The following CTXND2 variants were observed in gnomAD, a reference collection of about 807,000 sequenced individuals.
The protein encoded by CTXND2 is cortexin domain containing 2.
chr1:150,899,042 G>A (rs1668956685), intron 1 of CTXND2, among the ~76,000 whole-genome samples: 1 of 151,192 alleles, frequency 6.6e-6, no homozygotes, highest in Admixed American at 6.6e-5. Context: ...AGCTTGCAGT[G>A]AGCTGAGATC....
chr1:150,906,801 G>T (rs1226065932), intron 1 of CTXND2, among the ~76,000 whole-genome samples: 2 of 152,200 alleles, frequency 1.3e-5, no homozygotes, highest in Non-Finnish European at 2.9e-5. Flanking sequence ...AGTGGGAGGT[G>T]CCAGGAGACC....
At chr1:150,898,921 C>A (rs1275663749) in intron 1 of CTXND2, among the ~76,000 whole-genome samples, 17 of 126,120 alleles carry the variant, frequency 1.3e-4, no homozygotes, top group Middle Eastern at 4.2e-3. Context: ...ACTAAAAATA[C>A]AAAAAAAAAA....
chr1:150,905,065 CA>C (rs1558001639), intron 1 of CTXND2, among the ~76,000 whole-genome samples: 7 of 42,752 alleles, frequency 1.6e-4, no homozygotes, highest in Non-Finnish European at 3.1e-4. Context: ...AAGAAAACCA[CA>C]CACACACACA....
intron 1 of CTXND2, among the ~76,000 whole-genome samples, chr1:150,899,064 C>T (rs985564741): frequency 6.0e-5 from 9 of 150,978 alleles, no homozygotes; most frequent in Non-Finnish European, 1.2e-4. Context: ...CGCCACTGCA[C>T]TCCAGCCTGG....
At chr1:150,897,494 T>C (rs937072914) in intron 1 of CTXND2, among the ~76,000 whole-genome samples, 4 of 152,038 alleles carry the variant, frequency 2.6e-5, no homozygotes, top group African/African-American at 9.7e-5. Context: ...CGGCTAACTT[T>C]TGTATGGTTT....
chr1:150,905,062 CCACACACACACA>C (rs58415621), intron 1 of CTXND2, among the ~76,000 whole-genome samples: 99 of 130,824 alleles, frequency 7.6e-4, no homozygotes, highest in Non-Finnish European at 1.3e-3. Flanking sequence ...AAAAAGAAAA[CCACACACACACA>C]CACACACACA....
chr1:150,888,757 C>T (rs1418303599), intron 1 of CTXND2, among the ~76,000 whole-genome samples: 1 of 151,924 alleles, frequency 6.6e-6, no homozygotes, highest in Non-Finnish European at 1.5e-5. Flanking sequence ...GTGGTGCGAT[C>T]ATGGCTTACT....
chr1:150,900,482 G>T (rs956764315), intron 1 of CTXND2, among the ~76,000 whole-genome samples: 1 of 152,162 alleles, frequency 6.6e-6, no homozygotes, highest in African/African-American at 2.4e-5. Context: ...GTGAGACCAA[G>T]AACTCACTGG....
intron 1 of CTXND2, among the ~76,000 whole-genome samples, chr1:150,897,604 G>A (rs377685207): frequency 2.0e-5 from 3 of 152,186 alleles, no homozygotes; most frequent in South Asian, 4.1e-4. Flanking sequence ...TTACAGGCAT[G>A]AGCCACCACA....
Position 150,912,299 on chromosome 1 carries a change from C to T in CTXND2, c.-16C>T, listed in dbSNP as rs932488876. 3 of 398,534 alleles carry T rather than the reference C, an allele frequency of 7.5e-6. No individual in the cohort carries two copies. Among genetic ancestry groups the T allele is most frequent in the Admixed American group, 4.4e-5 (1 of 22,720 alleles). 24.7% of individuals were successfully genotyped at this position (398,534 alleles called of 1,614,324 possible). A position where few individuals can be genotyped will look rare whatever the true frequency, so the allele number is the denominator to read the frequency against. On this transcript the variant is annotated 5_prime_UTR_variant, in exon 2 of 2. In the 5' UTR this introduces an upstream ATG that the reference lacks. Coordinates refer to ENST00000636087, the Ensembl canonical transcript of CTXND2. Reference sequence around the variant, plus strand: ...ATTAGCTGGAGCTGGACAACAGTAACGAGGTGCAAGTCCCCATGGAAGATT... The same window carrying T: ...ATTAGCTGGAGCTGGACAACAGTAATGAGGTGCAAGTCCCCATGGAAGATT...
At chr1:150,911,441 A>T (rs867436169) in intron 1 of CTXND2, among the ~76,000 whole-genome samples, 283 of 140,030 alleles carry the variant, frequency 2.0e-3, no homozygotes, top group Middle Eastern at 7.2e-3. Context: ...ATGTAAATTT[A>T]TTTTTTTTTT....
intron 1 of CTXND2, among the ~76,000 whole-genome samples, chr1:150,901,297 C>T (rs1669025443): frequency 6.6e-6 from 1 of 152,196 alleles, no homozygotes; most frequent in African/African-American, 2.4e-5. Context: ...GAAGACTTAA[C>T]ATTGTTAAGA....
intron 1 of CTXND2, among the ~76,000 whole-genome samples, chr1:150,906,318 A>G (rs1286435885): frequency 2.6e-5 from 4 of 152,084 alleles, no homozygotes; most frequent in African/African-American, 9.7e-5. Context: ...AACAACAACA[A>G]CAAAAAGAAT....
At chr1:150,904,070 A>T in intron 1 of CTXND2, 1 of 664,530 alleles carries the variant, frequency 1.5e-6, no homozygotes, top group Non-Finnish European at 2.8e-6. Context: ...CAAAGGCATC[A>T]TCTGGGGAGA....
chr1:150,910,886 G>T (rs587739551), intron 1 of CTXND2, among the ~76,000 whole-genome samples: 23 of 151,828 alleles, frequency 1.5e-4, no homozygotes, highest in Admixed American at 1.5e-3. Flanking sequence ...CTCACCGCAA[G>T]CTCTGCCACC....
At chr1:150,905,062 C>CCACACACCA (rs1669112006) in intron 1 of CTXND2, among the ~76,000 whole-genome samples, 1 of 130,766 alleles carries the variant, frequency 7.6e-6, no homozygotes, top group Admixed American at 8.0e-5. Flanking sequence ...AAAAAGAAAA[C>CCACACACCA]CACACACACA....
intron 1 of CTXND2, among the ~76,000 whole-genome samples, chr1:150,910,562 G>A (rs587640016): frequency 7.3e-5 from 11 of 151,550 alleles, no homozygotes; most frequent in East Asian, 1.9e-4. Context: ...TTTCCTCACC[G>A]AATTTTCTTG....
At chr1:150,891,706 G>A (rs185686129) in intron 1 of CTXND2, among the ~76,000 whole-genome samples, 233 of 152,242 alleles carry the variant, frequency 1.5e-3, no homozygotes, top group African/African-American at 5.4e-3. Context: ...AACAATTGCT[G>A]TTTCTCAAAC....
intron 1 of CTXND2, among the ~76,000 whole-genome samples, chr1:150,900,656 C>G (rs1475029158): frequency 7.8e-6 from 1 of 128,936 alleles, no homozygotes; most frequent in South Asian, 3.1e-4. Context: ...AAAAAACAAA[C>G]CAAAAAAAAA....
Sources: gnomAD v4.1 joint callset for allele counts (sites outside exome capture counted in the v4.1 genomes callset) on GRCh38, gnomAD v4.1.1 for gene constraint, MANE v1.5 for transcripts, NCBI Gene and HGNC (gene_info 2026-07-23, HGNC 2026-07-21) for gene names.